SGCD: variants seen among roughly 807,000 people sequenced by gnomAD.
SGCD encodes delta-sarcoglycan.
In SGCD, 18 loss-of-function variants were observed where a neutral mutation model predicts 36.6. That is an observed-to-expected ratio of 0.49 (90% CI 0.34 to 0.73). SGCD has a LOEUF of 0.73. Among genes scored for constraint, SGCD ranks in the 30% least tolerant of loss-of-function variants. The probability of loss-of-function intolerance (pLI) is 0.01; values close to 1 mark genes in which losing one functional copy is unlikely to be tolerated. For synonymous variants in SGCD, 133 were observed against 130.6 expected, an observed-to-expected ratio of 1.02 and a Z score of -0.12; for missense variants, 387 against 346.7, an observed-to-expected ratio of 1.12 and a Z score of -0.92.
intron 4 of SGCD, among the ~76,000 whole-genome samples, chr5:156,547,219 T>G (rs1758610108): frequency 6.6e-6 from 1 of 152,056 alleles, no homozygotes; most frequent in African/African-American, 2.4e-5. Flanking sequence ...GGACTGTCCT[T>G]TGTATTGTGG....
chr5:156,364,191 G>A (rs73815049), intron 3 of SGCD, among the ~76,000 whole-genome samples: 3,868 of 152,236 alleles, frequency 0.025, 157 homozygotes, highest in African/African-American at 0.088. Context: ...AAGTCTGGGG[G>A]AACCTCTTGA....
chr5:155,942,887 C>T (rs1222710259), intron 1 of SGCD, among the ~76,000 whole-genome samples: 1 of 152,178 alleles, frequency 6.6e-6, no homozygotes, highest in Non-Finnish European at 1.5e-5. Flanking sequence ...TAATTATGTT[C>T]AACCATGTAG....
intron 3 of SGCD, among the ~76,000 whole-genome samples, chr5:156,219,480 GA>G (rs371739140): frequency 1.8e-4 from 28 of 152,006 alleles, no homozygotes; most frequent in Middle Eastern, 6.8e-3. Flanking sequence ...TGAAAATTCT[GA>G]AAAAATAAAG....
rs139119249 is a variant in SGCD, at chr5:156,561,277, G to A, written c.295-27954G>A. Among the ~76,000 whole-genome samples, 299 of 152,274 alleles carry A rather than the reference G, an allele frequency of 2.0e-3. 1 individual carries two copies. The Middle Eastern group carries it at 0.051, about 26-fold the overall frequency. On this transcript the variant is annotated intron_variant, in intron 4 of 8. Coordinates refer to ENST00000337851, the MANE Select transcript of SGCD (RefSeq NM_000337.6). ...GCAGTCAGAGTAGATGCCCTCTGAG[G>A]ACCCTTCCAGGTCTGGCTTTCTGTC...
At chr5:156,091,679 G>A (rs1761248438) in intron 1 of SGCD, among the ~76,000 whole-genome samples, 1 of 152,244 alleles carries the variant, frequency 6.6e-6, no homozygotes, top group African/African-American at 2.4e-5. Context: ...CAGTGTAACA[G>A]GGTTTAAAGT....
At chr5:156,651,184 C>T (rs1229072021) in intron 7 of SGCD, among the ~76,000 whole-genome samples, 2 of 151,964 alleles carry the variant, frequency 1.3e-5, no homozygotes, top group Non-Finnish European at 2.9e-5. Context: ...TTATAGATAA[C>T]ATATCTTTGT....
At chr5:156,314,589 G>A (rs1767467114) in intron 3 of SGCD, among the ~76,000 whole-genome samples, 1 of 152,000 alleles carries the variant, frequency 6.6e-6, no homozygotes, top group Non-Finnish European at 1.5e-5. Context: ...GAACACAGAT[G>A]AACAGAACAG....
At chr5:156,628,196 C>T (rs1448590452) in intron 6 of SGCD, among the ~76,000 whole-genome samples, 1 of 152,110 alleles carries the variant, frequency 6.6e-6, no homozygotes, top group African/African-American at 2.4e-5. Context: ...GAAGACAGTA[C>T]AGGGGGAAAA....
chr5:155,897,199 C>G (rs994580490), intron 1 of SGCD, among the ~76,000 whole-genome samples: 1 of 152,196 alleles, frequency 6.6e-6, no homozygotes, highest in Non-Finnish European at 1.5e-5. Context: ...GGCTGCAAAC[C>G]TGTAGAGCAT....
In SGCD at chr5:156,551,727, C is replaced by G. The variant is rs555096976; in HGVS notation, c.295-37504C>G. Among the ~76,000 whole-genome samples the G allele has an allele frequency of 1.2e-4, 19 of 152,236 alleles. No individual in the cohort carries two copies. The South Asian group carries it at 2.7e-3, about 22-fold the overall frequency. ...AACCTGGTTAAGGTGACTTCCGGTT[C>G]TAAGAGCTACCTCCCATGGTCTAGC... On this transcript the variant is annotated intron_variant, in intron 4 of 8. Transcript: ENST00000337851.
At chr5:155,762,407 A>G in the SGCD span, among the ~76,000 whole-genome samples, 3 of 152,168 alleles carry the variant, frequency 2.0e-5, no homozygotes, top group Non-Finnish European at 4.4e-5. Context: ...AACATCTTTG[A>G]CTTTTCCTTA....
At chr5:156,379,634 G>T (rs567444922) in intron 3 of SGCD, among the ~76,000 whole-genome samples, 2 of 152,236 alleles carry the variant, frequency 1.3e-5, no homozygotes, top group African/African-American at 4.8e-5. Context: ...CATCTGTCTG[G>T]CTGCTGTAAT....
At chr5:156,635,615 G>A (rs1035906065) in intron 6 of SGCD, among the ~76,000 whole-genome samples, 2 of 152,058 alleles carry the variant, frequency 1.3e-5, no homozygotes, top group African/African-American at 4.8e-5. Flanking sequence ...ATTCACAATA[G>A]CAAAGACTTG....
chr5:156,633,808 G>T (rs996589927), intron 6 of SGCD, among the ~76,000 whole-genome samples: 1 of 152,140 alleles, frequency 6.6e-6, no homozygotes, highest in African/African-American at 2.4e-5. Flanking sequence ...ACGTGGGCAG[G>T]CCTGCTGCTC....
At chr5:156,720,151 C>T (rs1451048484) in intron 7 of SGCD, among the ~76,000 whole-genome samples, 2 of 152,146 alleles carry the variant, frequency 1.3e-5, no homozygotes, top group Non-Finnish European at 2.9e-5. Flanking sequence ...CACTTTTTAT[C>T]TAAGTGTTTC....
At chr5:156,317,462 C>G (rs1314955675) in intron 3 of SGCD, among the ~76,000 whole-genome samples, 1 of 152,124 alleles carries the variant, frequency 6.6e-6, no homozygotes, top group Admixed American at 6.5e-5. Flanking sequence ...TTCTACAAAT[C>G]ACAAACATGA....
chr5:156,604,707 C>T (rs975682315), intron 6 of SGCD, among the ~76,000 whole-genome samples: 3 of 41,494 alleles, frequency 7.2e-5, no homozygotes, highest in Non-Finnish European at 1.9e-4. Flanking sequence ...TATACATATA[C>T]ATGAAATATA....
intron 1 of SGCD, among the ~76,000 whole-genome samples, chr5:156,098,407 T>C (rs530231760): frequency 6.6e-6 from 1 of 152,226 alleles, no homozygotes; most frequent in African/African-American, 2.4e-5. Context: ...TAAACAAGAG[T>C]TGATGCCTAT....
At chr5:156,187,784 G>A (rs1445636515) in intron 3 of SGCD, among the ~76,000 whole-genome samples, 2 of 152,134 alleles carry the variant, frequency 1.3e-5, no homozygotes, top group Non-Finnish European at 2.9e-5. Flanking sequence ...GGCCAGAGAT[G>A]ATGTAATGAA....
Sources: allele counts gnomAD v4.1 joint callset (sites outside exome capture counted in the v4.1 genomes callset), GRCh38; gene constraint gnomAD v4.1.1; transcripts MANE v1.5; gene names NCBI Gene and HGNC (gene_info 2026-07-23, HGNC 2026-07-21).